The following NSD1 variants were observed in gnomAD, a reference collection of about 807,000 sequenced individuals.
NSD1 encodes the protein histone-lysine N-methyltransferase, H3 lysine-36 specific.
NSD1 carries 26 observed loss-of-function variants against 242.7 expected under a neutral mutation model. The ratio of observed to expected loss-of-function variants is 0.11; its 90% CI spans 0.08 to 0.15. NSD1 has a LOEUF of 0.15. NSD1 is among the 10% of genes least tolerant of loss of function. NSD1 has a pLI of 1.00. For missense variants in NSD1, 2,495 were observed against 3,272.8 expected, an observed-to-expected ratio of 0.76 and a Z score of 5.80; for synonymous variants, 1,106 against 1,178.1, an observed-to-expected ratio of 0.94 and a Z score of 1.25.
intron 22 of NSD1, among the ~76,000 whole-genome samples, chr5:177,292,758 C>A (rs568398207): frequency 6.6e-5 from 10 of 152,088 alleles, no homozygotes; most frequent in African/African-American, 2.4e-4. Context: ...GATGTGGTAC[C>A]CAGGAAATTT....
At chr5:177,288,666 G>T in intron 20 of NSD1, 153 bp from the exon 21 acceptor site, 1 of 628,556 alleles carries the variant, frequency 1.6e-6, no homozygotes. Flanking sequence ...GATTATTAAT[G>T]TTATAAGATT....
rs763421218 is a variant in NSD1 at position 177,294,749 on chromosome 5, C to A, written c.7381C>A (p.Leu2461Ile). 1.2e-6 allele frequency: 2 copies of A among 1,614,074 alleles called. No homozygotes were observed. Among genetic ancestry groups the A allele is most frequent in the Non-Finnish European group, 1.7e-6 (2 of 1,180,046 alleles). ...TGCTTTGGTGATGGATCTCATAGAC[C>A]TAACTCCTCGCCAGAAGGAGCGGGC... is the stretch of plus-strand genomic sequence containing the variant. ...RAALVMDLID[L>I]TPRQKERAAS... is the part of the protein sequence containing the mutation. The change falls in exon 23 of 23, where the codon CTA becomes ATA. Residue 2461 changes from leucine (L) to isoleucine (I), a missense_variant. By Grantham distance (5) the Leu-to-Ile change is conservative. Around this residue, in one of 19 missense-constraint regions of NSD1, gnomAD observed 475 missense variants for 563.7 expected, o/e 0.84. Coordinates refer to ENST00000439151, the MANE Select transcript of NSD1 (RefSeq NM_022455.5).
chr5:177,243,178 TTTTC>T (rs893379635), intron 8 of NSD1, among the ~76,000 whole-genome samples: 10 of 152,032 alleles, frequency 6.6e-5, no homozygotes, highest in South Asian at 6.3e-4. Context: ...GATGGGTTAT[TTTTC>T]TTTCTTTCTT....
intron 21 of NSD1, among the ~76,000 whole-genome samples, chr5:177,291,160 G>T (rs1176965507): frequency 6.6e-6 from 1 of 152,228 alleles, no homozygotes. Flanking sequence ...CTGCTCCAGG[G>T]TCTGCCTTGG....
chr5:177,259,912 G>T, intron 13 of NSD1, 77 bp from the exon 14 acceptor site: 3 of 1,510,878 alleles, frequency 2.0e-6, no homozygotes, highest in Non-Finnish European at 2.7e-6. Flanking sequence ...CTAACAAATA[G>T]ACTTGAATAA....
chr5:177,235,737 T>C (rs1454458103), intron 5 of NSD1, 84 bp from the exon 6 acceptor site: 2 of 1,563,764 alleles, frequency 1.3e-6, no homozygotes, highest in Non-Finnish European at 1.8e-6. Flanking sequence ...CTGGTTACTT[T>C]TGGGAGTATC....
In NSD1 at chr5:177,135,432, C is replaced by T; in HGVS notation, c.329C>T (p.Pro110Leu). 6.2e-7 allele frequency: 1 copy of T among 1,614,056 alleles called. No homozygotes were observed. The highest frequency in any genetic ancestry group is 8.5e-7 in the Non-Finnish European group (1 of 1,179,986). Residue 110 changes from proline to leucine, a missense_variant, in exon 2 of 23, where the codon CCA becomes CTA. Pro to Leu is a moderately conservative substitution (Grantham distance 98, BLOSUM62 -3). Transcript: ENST00000439151. The part of the protein sequence containing the change: ...PEKSDSRAQT[P>L]IVCTSLSPGG... ...AAAAGTGATTCAAGAGCTCAGACGC[C>T]AATTGTTTGCACTTCCTTGAGTCCT...
intron 3 of NSD1, among the ~76,000 whole-genome samples, chr5:177,195,534 C>A (rs564392463): frequency 4.8e-4 from 73 of 152,250 alleles, no homozygotes; most frequent in African/African-American, 1.7e-3. Context: ...GTGGCGTGAT[C>A]ATGACTCATT....
At chr5:177,173,367 A>T (rs1055280070) in intron 2 of NSD1, among the ~76,000 whole-genome samples, 33 of 150,862 alleles carry the variant, frequency 2.2e-4, no homozygotes, top group African/African-American at 6.6e-4. Flanking sequence ...GAATGTTGCC[A>T]CTAATATGTT....
intron 9 of NSD1, among the ~76,000 whole-genome samples, chr5:177,245,158 C>T (rs1264029517): frequency 6.6e-6 from 1 of 152,096 alleles, no homozygotes; most frequent in South Asian, 2.1e-4. Context: ...CCCTTGAACC[C>T]GAGAGGTTGA....
rs1402043163 is a variant in NSD1 at position 177,300,158 on chromosome 5, AT to A, written c.*4701del. 33 of 227,340 alleles carry A rather than the reference AT, an allele frequency of 1.5e-4. No individual in the cohort carries two copies. The highest frequency in any genetic ancestry group is 7.0e-5 in the Non-Finnish European group (8 of 115,050). The allele number at this position is 227,340 out of a possible 1,614,324, so 14.1% of individuals were successfully genotyped here. On this transcript the variant is annotated 3_prime_UTR_variant, in exon 23 of 23. Coordinates refer to ENST00000439151, the MANE Select transcript of NSD1 (RefSeq NM_022455.5). ...GGAGTCCCCATAAACATGTACTGTAATTCTTTGTATATAGAAAAAAAATTTA... is the reference window on the plus strand; with the variant it reads ...GGAGTCCCCATAAACATGTACTGTAATCTTTGTATATAGAAAAAAAATTTA...
At chr5:177,281,677 G>T (rs773933090) in intron 18 of NSD1, among the ~76,000 whole-genome samples, 3 of 152,084 alleles carry the variant, frequency 2.0e-5, no homozygotes, top group Non-Finnish European at 4.4e-5. Context: ...TTTTGAGAGA[G>T]GGTCTCACTC....
At chr5:177,291,769 G>C (rs1759850771) in intron 21 of NSD1, among the ~76,000 whole-genome samples, 185 bp from the exon 22 acceptor site, 1 of 152,212 alleles carries the variant, frequency 6.6e-6, no homozygotes, top group Non-Finnish European at 1.5e-5. Flanking sequence ...TCAGGTGGCA[G>C]GAGTAGTTGA....
chr5:177,221,388 G>T lies in NSD1; in HGVS notation c.3796+9193G>T, dbSNP rs115289539. Among the ~76,000 whole-genome samples the T allele has an allele frequency of 1.9e-3, 294 of 151,118 alleles. 1 individual carries two copies. Among genetic ancestry groups the T allele is most frequent in the African/African-American group, 6.9e-3 (283 of 41,166 alleles). On this transcript the variant is annotated intron_variant, in intron 5 of 22. Coordinates refer to ENST00000439151, the MANE Select transcript of NSD1 (RefSeq NM_022455.5). ...GGCATTTTCCATGTTGTTACCATGG[G>T]GCTTAAATAAAACATCTTACAGGTA...
In NSD1 at chr5:177,293,833, G is replaced by A; in HGVS notation, c.6465G>A (p.Gly2155=). ...TTTGATTTACTTCTGTGTTTTCAGG[G>A]AAATGGGAATGTCCGTGGCATCAGT... ...DCLNLTKRPA[G]KWECPWHQCD... The change falls in exon 23 of 23, where the codon GGG becomes GGA. Residue 2155 remains glycine, a splice_region_variant and synonymous_variant. Coordinates refer to ENST00000439151, the MANE Select transcript of NSD1 (RefSeq NM_022455.5). The A allele has an allele frequency of 6.2e-7, 1 of 1,614,006 alleles. No individual in the cohort carries two copies. Among genetic ancestry groups the A allele is most frequent in the Non-Finnish European group, 8.5e-7 (1 of 1,180,008 alleles).
intron 13 of NSD1, among the ~76,000 whole-genome samples, chr5:177,257,817 T>TTTTATTTTA (rs146566828): frequency 1.4e-5 from 2 of 139,664 alleles, no homozygotes; most frequent in African/African-American, 2.6e-5. Context: ...CTGGGCTTTT[T>TTTTATTTTA]TTTTATTTTA....
intron 2 of NSD1, among the ~76,000 whole-genome samples, chr5:177,174,425 C>T (rs1760004389): frequency 6.6e-6 from 1 of 152,108 alleles, no homozygotes; most frequent in Non-Finnish European, 1.5e-5. Flanking sequence ...GTTGGCCAGG[C>T]TGGTCTCGAA....
At chr5:177,232,038 C>T (rs1020921194) in intron 5 of NSD1, among the ~76,000 whole-genome samples, 2 of 152,100 alleles carry the variant, frequency 1.3e-5, no homozygotes, top group Middle Eastern at 3.4e-3. Context: ...TAGCTGGGAC[C>T]GCAGGTGTGT....
At chr5:177,150,833 G>C (rs1271950051) in intron 2 of NSD1, among the ~76,000 whole-genome samples, 1 of 152,158 alleles carries the variant, frequency 6.6e-6, no homozygotes, top group African/African-American at 2.4e-5. Context: ...TCTCCCTGGT[G>C]AAAGTAGGTG....
Sources: gnomAD v4.1 joint callset for allele counts (sites outside exome capture counted in the v4.1 genomes callset) on GRCh38, gnomAD v4.1.1 for gene constraint, gnomAD v4.1.1 regional missense constraint, MANE v1.5 for transcripts, NCBI Gene and HGNC (gene_info 2026-07-23, HGNC 2026-07-21) for gene names.